LY86: variants seen among roughly 807,000 people sequenced by gnomAD.
LY86 encodes MD-1, RP105-associated.
LY86 carries 20 observed loss-of-function variants against 17.3 expected under a neutral mutation model. The observed-to-expected ratio is 1.15, with a 90% CI of 0.81 to 1.68. LY86 has a LOEUF of 1.68. Ranked by LOEUF, LY86 falls within the 40% of genes most tolerant of loss-of-function variation. The pLI, the probability that LY86 is intolerant of heterozygous loss-of-function variation, is 0.00. For missense variants in LY86, 200 were observed against 191.9 expected (o/e 1.04, Z -0.25); for synonymous variants, 74 against 70.6 (o/e 1.05, Z -0.24).
At chr6:6,595,715 A>T (rs1244694917) in intron 1 of LY86, among the ~76,000 whole-genome samples, 7 of 152,156 alleles carry the variant, frequency 4.6e-5, no homozygotes, top group East Asian at 1.9e-4. Context: ...AAATTAAAAG[A>T]AGTATATGTA....
chr6:6,654,265 C>T (rs1762228373), intron 4 of LY86, among the ~76,000 whole-genome samples: 1 of 152,238 alleles, frequency 6.6e-6, no homozygotes, highest in South Asian at 2.1e-4. Flanking sequence ...CAGCACTTGC[C>T]TTGACCCATC....
chr6:6,608,911 C>A (rs1439207330), intron 1 of LY86, among the ~76,000 whole-genome samples: 1 of 152,206 alleles, frequency 6.6e-6, no homozygotes, highest in African/African-American at 2.4e-5. Flanking sequence ...TTTTTCATGG[C>A]AGCTTGCTAT....
chr6:6,647,500 C>A (rs1338715996), intron 3 of LY86, among the ~76,000 whole-genome samples: 1 of 152,198 alleles, frequency 6.6e-6, no homozygotes, highest in East Asian at 1.9e-4. Flanking sequence ...ACTCATCTCT[C>A]CAGTGTTCTT....
chr6:6,604,685 A>G (rs17142379), intron 1 of LY86, among the ~76,000 whole-genome samples: 2,948 of 152,312 alleles, frequency 0.019, 70 homozygotes, highest in East Asian at 0.06. Flanking sequence ...TAACTCTTCA[A>G]TGTTTATTAG....
chr6:6,619,989 G>A (rs1034580256), intron 1 of LY86, among the ~76,000 whole-genome samples: 1 of 152,130 alleles, frequency 6.6e-6, no homozygotes, highest in Non-Finnish European at 1.5e-5. Context: ...GTATGTGGAA[G>A]GCTGGTGGAA....
chr6:6,626,741 T>C lies in LY86; in HGVS notation c.352+320T>C, dbSNP rs60818418. 6.5e-3 allele frequency among the ~76,000 whole-genome samples: 991 copies of C among 152,164 alleles called. 12 individuals are homozygous for C. Among genetic ancestry groups the C allele is most frequent in the African/African-American group, 0.022 (901 of 41,504 alleles). ...AGAGCCAAGAGGTTCCAAAAATCCA[T>C]TGAGGTTCAGAGTGCTCCCAGGTTT... is the stretch of plus-strand genomic sequence containing the variant. On this transcript the variant is annotated intron_variant, in intron 3 of 4. Transcript: ENST00000230568.
intron 3 of LY86, among the ~76,000 whole-genome samples, chr6:6,638,922 C>T (rs1761999700): frequency 6.6e-6 from 1 of 151,046 alleles, no homozygotes; most frequent in South Asian, 2.1e-4. Flanking sequence ...CATCCCATTA[C>T]TGGGTATATA....
intron 1 of LY86, among the ~76,000 whole-genome samples, chr6:6,594,062 G>T (rs7747832): frequency 1.2e-3 from 187 of 152,336 alleles, no homozygotes; most frequent in African/African-American, 4.3e-3. Flanking sequence ...TAGAGTTCTG[G>T]ATTGTATTTT....
chr6:6,628,989 A>T (rs1348712727), intron 3 of LY86, among the ~76,000 whole-genome samples: 1 of 152,226 alleles, frequency 6.6e-6, no homozygotes, highest in South Asian at 2.1e-4. Context: ...TTGCCTGCGT[A>T]TGGTTTTAAT....
rs963019579 is a variant in LY86 at position 6,654,747 on chromosome 6, G to A, written c.*120G>A. On this transcript the variant is annotated 3_prime_UTR_variant, in exon 5 of 5. Coordinates refer to ENST00000230568, the MANE Select transcript of LY86 (RefSeq NM_004271.4). ...ACAGAGAGAGGCTCTACAAAGAAGC[G>A]CCCCCAAAGAGTGCAGCTGCTAATT... 76 of 807,036 alleles carry A rather than the reference G, an allele frequency of 9.4e-5. No individual in the cohort carries two copies. The highest frequency in any genetic ancestry group is 1.3e-4 in the Non-Finnish European group (66 of 497,070). The allele number at this position is 807,036 out of a possible 1,614,324, so 50.0% of individuals were successfully genotyped here.
intron 1 of LY86, among the ~76,000 whole-genome samples, chr6:6,624,144 G>A (rs1761736823): frequency 6.6e-6 from 1 of 152,198 alleles, no homozygotes; most frequent in African/African-American, 2.4e-5. Context: ...GTGCTGGTGT[G>A]TATGTTGCCA....
chr6:6,638,756 C>T (rs1378196987), intron 3 of LY86, among the ~76,000 whole-genome samples: 1 of 151,658 alleles, frequency 6.6e-6, no homozygotes, highest in Non-Finnish European at 1.5e-5. Context: ...GTGCTGCACC[C>T]ATTAACTCGT....
intron 1 of LY86, among the ~76,000 whole-genome samples, chr6:6,589,244 C>T (rs6597220): frequency 0.72 from 109,434 of 152,072 alleles, 39,383 homozygotes; most frequent in Middle Eastern, 0.75. Flanking sequence ...TCCTCAACAC[C>T]GTACACCTGG....
intron 3 of LY86, among the ~76,000 whole-genome samples, chr6:6,646,760 T>C (rs1762113816): frequency 6.6e-6 from 1 of 152,220 alleles, no homozygotes; most frequent in Non-Finnish European, 1.5e-5. Context: ...CTTTTCCTTA[T>C]GTCTAACCCA....
At chr6:6,602,607 G>T (rs1339431792) in intron 1 of LY86, among the ~76,000 whole-genome samples, 2 of 152,172 alleles carry the variant, frequency 1.3e-5, no homozygotes, top group Non-Finnish European at 2.9e-5. Flanking sequence ...GTGAAGAAGC[G>T]AGACAGGGAA....
At chr6:6,628,403 A>C (rs182866340) in intron 3 of LY86, among the ~76,000 whole-genome samples, 38 of 151,470 alleles carry the variant, frequency 2.5e-4, no homozygotes, top group African/African-American at 9.0e-4. Context: ...ATCAGCCTTA[A>C]GGGATCCTTT....
chr6:6,639,194 C>T (rs186180309), intron 3 of LY86, among the ~76,000 whole-genome samples: 38 of 152,264 alleles, frequency 2.5e-4, no homozygotes, highest in Admixed American at 3.9e-4. Context: ...ATCCTGAGTT[C>T]GTTTGTGAGT....
At chr6:6,613,308 G>A (rs892928324) in intron 1 of LY86, among the ~76,000 whole-genome samples, 7 of 152,196 alleles carry the variant, frequency 4.6e-5, no homozygotes, top group Admixed American at 2.0e-4. Flanking sequence ...TCTAGGGGAC[G>A]GAGCGCTATG....
intron 3 of LY86, among the ~76,000 whole-genome samples, chr6:6,640,838 T>A (rs905900943): frequency 5.9e-5 from 9 of 152,172 alleles, no homozygotes; most frequent in African/African-American, 2.2e-4. Flanking sequence ...AATTCTAATT[T>A]TATAAATGAT....
Sources: allele counts gnomAD v4.1 joint callset (sites outside exome capture counted in the v4.1 genomes callset), GRCh38; gene constraint gnomAD v4.1.1; transcripts MANE v1.5; gene names NCBI Gene and HGNC (gene_info 2026-07-23, HGNC 2026-07-21).